NANS: variants seen among roughly 807,000 people sequenced by gnomAD.
The protein encoded by NANS is N-acetylneuraminate synthase, also known as N-acetylneuraminate-9-phosphate synthase.
A neutral mutation model predicts 33.3 loss-of-function variants in NANS; 29 were observed. That is an observed-to-expected ratio of 0.87 (90% confidence interval 0.65 to 1.19). NANS has a LOEUF of 1.19. Among genes scored for constraint, NANS ranks in the 50% most tolerant of loss-of-function variants. The probability of loss-of-function intolerance (pLI) is 0.00; values close to 1 mark genes in which losing one functional copy is unlikely to be tolerated. For missense variants in NANS, 394 were observed against 461.1 expected (o/e 0.85, Z 1.33); for synonymous variants, 163 against 177.2 (o/e 0.92, Z 0.64).
chr9:98,060,775 G>A lies in NANS; in HGVS notation c.133-7G>A. On this transcript the variant is annotated splice_polypyrimidine_tract_variant and splice_region_variant and intron_variant, in intron 1 of 5. Coordinates refer to ENST00000210444, the MANE Select transcript of NANS (RefSeq NM_018946.4). The stretch of plus-strand genomic sequence containing the variant: ...GTCACTGAAAGATGTCCTAATGTGT[G>A]TTGTAGGAGTGTGGGGCTGATTGTG... The A allele has an allele frequency of 6.2e-7, 1 of 1,613,734 alleles. No individual in the cohort carries two copies. The highest frequency in any genetic ancestry group is 8.5e-7 in the Non-Finnish European group (1 of 1,179,606).
chr9:98,078,836 GAAAA>G (rs11424970), intron 4 of NANS, among the ~76,000 whole-genome samples: 1 of 123,024 alleles, frequency 8.1e-6, no homozygotes, highest in African/African-American at 3.1e-5. Flanking sequence ...CTCTCAGGGG[GAAAA>G]AAAAAAAAAA....
At chr9:98,057,840 T>C (rs1828869022) in intron 1 of NANS, among the ~76,000 whole-genome samples, 1 of 137,252 alleles carries the variant, frequency 7.3e-6, no homozygotes, top group Non-Finnish European at 1.6e-5. Flanking sequence ...TTTATTTATT[T>C]ATTTATCTAT....
chr9:98,081,096 G>A lies in NANS; in HGVS notation c.870+14G>A, dbSNP rs1230951700. On this transcript the variant is annotated intron_variant, in intron 5 of 5. Coordinates refer to ENST00000210444, the MANE Select transcript of NANS (RefSeq NM_018946.4). ...TGCAATGAGAAGGTGTGTCCTGCCG[G>A]ACTCTACTCGGTTCTGCTGCCGTGT... is the stretch of plus-strand genomic sequence containing the variant. 1 of 1,613,778 alleles carries A rather than the reference G, an allele frequency of 6.2e-7. No individual in the cohort carries two copies. Among genetic ancestry groups the A allele is most frequent in the East Asian group, 2.2e-5 (1 of 44,896 alleles).
intron 2 of NANS, among the ~76,000 whole-genome samples, chr9:98,073,109 C>T (rs1190156110): frequency 6.6e-6 from 1 of 152,002 alleles, no homozygotes; most frequent in African/African-American, 2.4e-5. Flanking sequence ...ATGCTCTCCT[C>T]ACACACAGTG....
Position 98,060,898 on chromosome 9 carries a change from G to C in NANS, c.249G>C (p.Glu83Asp), listed in dbSNP as rs754493119. The C allele has an allele frequency of 2.5e-6, 4 of 1,614,198 alleles. No individual in the cohort carries two copies. In the East Asian group the frequency reaches 6.7e-5, roughly 27 times the overall value. The stretch of plus-strand genomic sequence containing the variant: ...ATTCCTGGGGGAAGACGTACGGGGA[G>C]CACAAACGACATCTGGAGTTCAGCC... ...SKHSWGKTYG[E>D]HKRHLEFSHD... Residue 83 changes from glutamate (E) to aspartate (D), a missense_variant, in exon 2 of 6, where the codon GAG (glutamate) becomes GAC (aspartate). Transcript: ENST00000210444.
At chr9:98,070,807 A>AT (rs11464981) in intron 2 of NANS, among the ~76,000 whole-genome samples, 40,063 of 144,706 alleles carry the variant, frequency 0.28, 7,455 homozygotes, top group African/African-American at 0.53. Flanking sequence ...CTCTTTAGTA[A>AT]TTTTTTTTTT....
At chr9:98,081,349 C>G (rs1207156995) in intron 5 of NANS, 1 of 491,592 alleles carries the variant, frequency 2.0e-6, no homozygotes, top group African/African-American at 2.0e-5. Flanking sequence ...CACTAATTCT[C>G]TGAAGCCCAT....
chr9:98,080,602 C>T (rs1829809302), intron 4 of NANS, among the ~76,000 whole-genome samples: 1 of 152,208 alleles, frequency 6.6e-6, no homozygotes, highest in South Asian at 2.1e-4. Context: ...AGAGCATTTA[C>T]AATGTGCTGA....
chr9:98,070,834 T>C lies in NANS; in HGVS notation c.349-6084T>C, dbSNP rs1387788517. Among the ~76,000 whole-genome samples, 3 of 151,366 alleles carry C rather than the reference T, an allele frequency of 2.0e-5. No individual in the cohort carries two copies. The South Asian group carries it at 6.3e-4, about 32-fold the overall frequency. Reference sequence around the variant, plus strand: ...TTTTTTTTTTTTTTGAGACAGGGTCTCACTCTGTTGCCCAGGCTGGAGAGT... The same window carrying C: ...TTTTTTTTTTTTTTGAGACAGGGTCCCACTCTGTTGCCCAGGCTGGAGAGT... On this transcript the variant is annotated intron_variant, in intron 2 of 5. Transcript: ENST00000210444.
intron 2 of NANS, among the ~76,000 whole-genome samples, chr9:98,073,572 CGCGCCTG>C (rs1313642545): frequency 6.6e-6 from 1 of 150,610 alleles, no homozygotes; most frequent in Non-Finnish European, 1.5e-5. Context: ...CGTGAGCCAC[CGCGCCTG>C]GCCTGGGCTT....
rs117325934 is a variant in NANS at position 98,080,964 on chromosome 9, C to T, written c.752C>T (p.Ser251Leu). 2,320 of 1,614,182 alleles carry T rather than the reference C, an allele frequency of 1.4e-3. 2 individuals carry two copies. Among genetic ancestry groups the T allele is most frequent in the Non-Finnish European group, 1.8e-3 (2,132 of 1,180,046 alleles). Residue 251 changes from serine to leucine, a missense_variant, in exon 5 of 6, where the codon TCG (serine) becomes TTG (leucine). Coordinates refer to ENST00000210444, the MANE Select transcript of NANS (RefSeq NM_018946.4). ...LDKTWKGSDH[S>L]ASLEPGELAE... The stretch of plus-strand genomic sequence containing the variant: ...AAGACCTGGAAGGGGAGTGACCACT[C>T]GGCCTCGCTGGAGCCTGGAGAACTG...
chr9:98,058,243 A>G (rs1350117418), intron 1 of NANS, among the ~76,000 whole-genome samples: 3 of 152,104 alleles, frequency 2.0e-5, no homozygotes, highest in African/African-American at 7.2e-5. Context: ...GACTGGTTTT[A>G]TGGAAACCTA....
At chr9:98,081,309 C>G (rs1187349468) in intron 5 of NANS, 1 of 599,830 alleles carries the variant, frequency 1.7e-6, no homozygotes, top group Non-Finnish European at 2.9e-6. Flanking sequence ...AGCAGTTTCT[C>G]TGGCCACCTA....
At chr9:98,057,330 ATTC>A (rs1229424884) in intron 1 of NANS, among the ~76,000 whole-genome samples, 1 of 152,266 alleles carries the variant, frequency 6.6e-6, no homozygotes, top group South Asian at 2.1e-4. Context: ...GCCCGTCATA[ATTC>A]TTCTCTGACA....
intron 2 of NANS, among the ~76,000 whole-genome samples, chr9:98,070,237 C>T (rs544370721): frequency 6.6e-6 from 1 of 152,276 alleles, no homozygotes; most frequent in Non-Finnish European, 1.5e-5. Context: ...CCTGCTTCAG[C>T]CTCCCAAGTA....
At chr9:98,073,050 T>C (rs565214661) in intron 2 of NANS, among the ~76,000 whole-genome samples, 7 of 152,270 alleles carry the variant, frequency 4.6e-5, no homozygotes, top group African/African-American at 1.7e-4. Flanking sequence ...GAAAGTTCTA[T>C]TGAGAAGGCA....
chr9:98,074,828 GA>G (rs780885419), intron 2 of NANS: 4 of 152,112 alleles, frequency 2.6e-5, no homozygotes, highest in Non-Finnish European at 5.9e-5. Flanking sequence ...TTATACAAAA[GA>G]AAACTCAGTG....
intron 4 of NANS, among the ~76,000 whole-genome samples, chr9:98,079,030 T>TAAGAGA: frequency 6.6e-6 from 1 of 152,162 alleles, no homozygotes; most frequent in South Asian, 2.1e-4. Flanking sequence ...TATTTTCTAA[T>TAAGAGA]GCTGAGCATC....
chr9:98,076,992 T>A lies in NANS; in HGVS notation c.423T>A (p.Pro141=), dbSNP rs1483181646. Reference sequence around the variant, plus strand: ...GATCTGGAGACACTAATAATTTTCCTTATCTGGAAAAGACAGCCAAAAAAG... The same window carrying A: ...GATCTGGAGACACTAATAATTTTCCATATCTGGAAAAGACAGCCAAAAAAG... ...KVGSGDTNNF[P]YLEKTAKKGR... Residue 141 remains proline (P), a synonymous_variant, in exon 3 of 6, where the codon CCT becomes CCA. Transcript: ENST00000210444. 2 of 1,610,444 alleles carry A rather than the reference T, an allele frequency of 1.2e-6. No individual in the cohort carries two copies. The highest frequency in any genetic ancestry group is 2.7e-5 in the African/African-American group (2 of 74,792).
Sources: gnomAD v4.1 joint callset for allele counts (sites outside exome capture counted in the v4.1 genomes callset) on GRCh38, gnomAD v4.1.1 for gene constraint, MANE v1.5 for transcripts, NCBI Gene and HGNC (gene_info 2026-07-23, HGNC 2026-07-21) for gene names.